Variants in MAP3K7CL observed in about 807,000 individuals in gnomAD.
MAP3K7CL encodes MAP3K7 C-terminal-like protein.
In MAP3K7CL, 16 loss-of-function variants were observed where a neutral mutation model predicts 18.6. The observed-to-expected ratio is 0.86, with a 90% CI of 0.58 to 1.31. The LOEUF is 1.31. Among genes scored for constraint, MAP3K7CL ranks in the 50% most tolerant of loss-of-function variants. MAP3K7CL has a pLI of 0.00. For missense variants in MAP3K7CL, 163 were observed against 174.4 expected (o/e 0.93, Z 0.37); for synonymous variants, 65 against 66.8 (o/e 0.97, Z 0.13).
chr21:29,092,367 A>G, intron 3 of MAP3K7CL: 1 of 1,561,538 alleles, frequency 6.4e-7, no homozygotes, highest in Non-Finnish European at 8.8e-7. Context: ...GAAAAAAAGA[A>G]CTGACATCAA....
chr21:29,169,984 T>G (rs2087783889), intron 4 of MAP3K7CL, among the ~76,000 whole-genome samples: 1 of 152,214 alleles, frequency 6.6e-6, no homozygotes, highest in South Asian at 2.1e-4. Flanking sequence ...ACTGTGGTCT[T>G]CTACCCCCAT....
chr21:29,089,168 CAAAAAAAAAAAAAAAAAAA>C (rs748166183), intron 1 of MAP3K7CL, among the ~76,000 whole-genome samples: 7 of 68,516 alleles, frequency 1.0e-4, no homozygotes, highest in African/African-American at 2.6e-4. Context: ...GACTCCGTCT[CAAAAAAAAAAAAAAAAAAA>C]AAAAAAAAAA....
chr21:29,083,099 A>G (rs924438965), upstream of MAP3K7CL, among the ~76,000 whole-genome samples: 5 of 152,224 alleles, frequency 3.3e-5, no homozygotes, highest in Admixed American at 6.5e-5. Flanking sequence ...TTTGGAGGGC[A>G]TGATATTGGT....
intron 1 of MAP3K7CL, among the ~76,000 whole-genome samples, chr21:29,089,206 C>G (rs1240378866): frequency 9.7e-6 from 1 of 103,542 alleles, no homozygotes; most frequent in South Asian, 3.2e-4. Flanking sequence ...AAAAAAGACA[C>G]TGGTCCTGGG....
At chr21:29,090,120 T>C (rs1431297243) in intron 1 of MAP3K7CL, among the ~76,000 whole-genome samples, 1 of 152,256 alleles carries the variant, frequency 6.6e-6, no homozygotes, top group Admixed American at 6.5e-5. Context: ...TTATTCATTC[T>C]GCAGTATTTT....
In MAP3K7CL at chr21:29,148,568, C is replaced by G. The variant is rs74566574; in HGVS notation, c.71-621C>G. 9.7e-4 allele frequency among the ~76,000 whole-genome samples: 148 copies of G among 152,316 alleles called. 2 individuals carry two copies. The East Asian group carries it at 0.025, about 26-fold the overall frequency. ...GAGTTAGGAGGTCTTTCGGGACTCTCTGGGCTCTGGCGCTCCCTAACAAAG... is the reference window on the plus strand; with the variant it reads ...GAGTTAGGAGGTCTTTCGGGACTCTGTGGGCTCTGGCGCTCCCTAACAAAG... On this transcript the variant is annotated intron_variant, in intron 2 of 4. Coordinates refer to ENST00000399928, the MANE Select transcript of MAP3K7CL (RefSeq NM_001286620.2).
chr21:29,087,767 GTAT>G lies in MAP3K7CL; in HGVS notation c.57+1852_57+1854del, dbSNP rs1261241335. ...CACCACCACGACCGGCTAATTTTTT[GTAT>G]TTTTAGTAGAGACGGGGTTTCACTG... On this transcript the variant is annotated intron_variant, in intron 1 of 6. Coordinates refer to the MAP3K7CL transcript ENST00000286791. Among the ~76,000 whole-genome samples the G allele has an allele frequency of 5.9e-5, 9 of 151,832 alleles. No homozygotes were observed. In the East Asian group the frequency reaches 1.7e-3, roughly 29 times the overall value.
At chr21:29,085,721 A>AG, upstream of MAP3K7CL, 1 of 752,474 alleles carries the variant, frequency 1.3e-6, no homozygotes, top group Admixed American at 2.2e-5. Flanking sequence ...TGTATTTAAC[A>AG]TTAATTGAAT....
intron 4 of MAP3K7CL, among the ~76,000 whole-genome samples, chr21:29,122,603 C>T (rs1006895860): frequency 2.5e-4 from 38 of 152,170 alleles, no homozygotes; most frequent in Admixed American, 1.9e-3. Context: ...GAGGCCCTGC[C>T]GTCAAGCCGT....
intron 4 of MAP3K7CL, among the ~76,000 whole-genome samples, chr21:29,100,281 T>C (rs1374030678): frequency 6.6e-6 from 1 of 152,162 alleles, no homozygotes; most frequent in East Asian, 1.9e-4. Context: ...CCACTCCACA[T>C]TTCTTAGTAT....
At chr21:29,085,933 C>A (rs2085918091) in intron 1 of MAP3K7CL, 1 of 1,613,914 alleles carries the variant, frequency 6.2e-7, no homozygotes, top group East Asian at 2.2e-5. Flanking sequence ...TCCGCCTTCC[C>A]CCAACCCCTT....
At chr21:29,124,695 T>C (rs1298169881) in intron 4 of MAP3K7CL, among the ~76,000 whole-genome samples, 1 of 152,230 alleles carries the variant, frequency 6.6e-6, no homozygotes, top group African/African-American at 2.4e-5. Flanking sequence ...TATTTTAAAA[T>C]ATTTGACAAA....
chr21:29,104,274 TC>T (rs1490110097), intron 4 of MAP3K7CL, among the ~76,000 whole-genome samples: 2 of 152,122 alleles, frequency 1.3e-5, no homozygotes, highest in African/African-American at 4.8e-5. Flanking sequence ...CGGGGTTTTT[TC>T]TGTTCTCATT....
At chr21:29,163,911 T>C (rs2087618755) in intron 4 of MAP3K7CL, among the ~76,000 whole-genome samples, 1 of 151,976 alleles carries the variant, frequency 6.6e-6, no homozygotes. Flanking sequence ...TTGCCCAGGC[T>C]GGTCTCAAAC....
upstream of MAP3K7CL, chr21:29,128,292 A>T (rs897985051): frequency 6.6e-6 from 1 of 151,124 alleles, no homozygotes; most frequent in Non-Finnish European, 1.5e-5. Flanking sequence ...TTATTCTAAA[A>T]AATTTCAATT....
chr21:29,109,577 A>G (rs2086384118), intron 4 of MAP3K7CL: 2 of 1,014,234 alleles, frequency 2.0e-6, no homozygotes, highest in Non-Finnish European at 2.4e-6. Flanking sequence ...TGATTTATAA[A>G]CTGCACATTT....
chr21:29,115,555 A>G (rs1461013615), intron 4 of MAP3K7CL, among the ~76,000 whole-genome samples: 1 of 152,152 alleles, frequency 6.6e-6, no homozygotes, highest in Non-Finnish European at 1.5e-5. Context: ...TTCAAAAATG[A>G]CTAGCTTTTT....
intron 4 of MAP3K7CL, among the ~76,000 whole-genome samples, chr21:29,105,977 C>T (rs1360004835): frequency 2.0e-5 from 3 of 152,062 alleles, no homozygotes; most frequent in African/African-American, 7.2e-5. Flanking sequence ...TTGCATGGTT[C>T]CTGGCCTTTT....
chr21:29,081,409 T>A (rs1471890697), upstream of MAP3K7CL, among the ~76,000 whole-genome samples: 1 of 152,160 alleles, frequency 6.6e-6, no homozygotes, highest in Non-Finnish European at 1.5e-5. Flanking sequence ...AAAAATTAGC[T>A]GGGCATGGTG....
Sources: gnomAD v4.1 joint callset for allele counts (sites outside exome capture counted in the v4.1 genomes callset) on GRCh38, gnomAD v4.1.1 for gene constraint, MANE v1.5 for transcripts, NCBI Gene and HGNC (gene_info 2026-07-23, HGNC 2026-07-21) for gene names.